The following OGFOD3 variants were observed in gnomAD, a reference collection of about 807,000 sequenced individuals.
OGFOD3 encodes 2-oxoglutarate and iron dependent oxygenase domain containing 3.
A neutral mutation model predicts 39.8 loss-of-function variants in OGFOD3; 35 were observed. The observed-to-expected ratio is 0.88, with a 90% CI of 0.67 to 1.17. The LOEUF (loss-of-function observed/expected upper bound fraction) is 1.17. Ranked by LOEUF, OGFOD3 falls within the 50% of genes most tolerant of loss-of-function variation. The pLI, the probability that OGFOD3 is intolerant of heterozygous loss-of-function variation, is 0.00. For missense variants in OGFOD3, 438 were observed against 454.5 expected, an observed-to-expected ratio of 0.96 and a Z score of 0.33; for synonymous variants, 200 against 192.0, an observed-to-expected ratio of 1.04 and a Z score of -0.34.
chr17:82,407,408 T>G (rs756963853), intron 4 of OGFOD3, among the ~76,000 whole-genome samples: 1 of 152,200 alleles, frequency 6.6e-6, no homozygotes, highest in African/African-American at 2.4e-5. Context: ...TGTGGGCAAG[T>G]GTTGACTTCT....
At chr17:82,401,819 A>C (rs529576165) in intron 7 of OGFOD3, among the ~76,000 whole-genome samples, 4 of 150,084 alleles carry the variant, frequency 2.7e-5, no homozygotes, top group Admixed American at 6.7e-5. Flanking sequence ...AAAAAAAAAA[A>C]AAAACAAAGA....
chr17:82,411,491 A>T lies in OGFOD3; in HGVS notation c.344T>A (p.Val115Asp). The T allele has an allele frequency of 6.2e-7, 1 of 1,614,140 alleles. No individual in the cohort carries two copies. Among genetic ancestry groups the T allele is most frequent in the Non-Finnish European group, 8.5e-7 (1 of 1,180,028 alleles). ...PRKCGRGVTD[V>D]VITREEAERI... ...CTCCGCTTCCTCCCTGGTGATGACG[A>T]CATCGGTGACACCTCTGCCGCACTT... Residue 115 changes from valine to aspartate, a missense_variant, in exon 3 of 9, where the codon GTC (valine) becomes GAC (aspartate). Transcript: ENST00000313056.
At chr17:82,416,877 G>T (rs564903631) in intron 1 of OGFOD3, among the ~76,000 whole-genome samples, 20 of 152,044 alleles carry the variant, frequency 1.3e-4, no homozygotes, top group African/African-American at 4.8e-4. Context: ...GTTTCACCAC[G>T]TTGGTCAGGC....
chr17:82,418,561 G>C lies in OGFOD3; in HGVS notation c.-76C>G, dbSNP rs1016115494. ...ACGAACGCCGTAACAGGGAGCGCGAGGCAGGCACGGCGCAGGGACGCGAGT... is the reference window on the plus strand; with the variant it reads ...ACGAACGCCGTAACAGGGAGCGCGACGCAGGCACGGCGCAGGGACGCGAGT... On this transcript the variant is annotated 5_prime_UTR_variant, in exon 1 of 9. Coordinates refer to ENST00000313056, the MANE Select transcript of OGFOD3 (RefSeq NM_024648.3). The C allele has an allele frequency of 3.6e-5, 28 of 785,252 alleles. No homozygotes were observed. The highest frequency in any genetic ancestry group is 4.7e-5 in the Non-Finnish European group (27 of 573,488). The allele number at this position is 785,252 out of a possible 1,614,324, so 48.6% of individuals were successfully genotyped here.
rs756128096 is a variant in OGFOD3 at position 82,411,469 on chromosome 17, C to T, written c.366G>A (p.Ala122=). 9.3e-6 allele frequency: 15 copies of T among 1,614,036 alleles called. No homozygotes were observed. The highest frequency in any genetic ancestry group is 3.3e-4 in the Middle Eastern group (2 of 6,084). Residue 122 remains alanine, a synonymous_variant, in exon 3 of 9, where the codon GCG becomes GCA. Transcript: ENST00000313056. ...CAGGCGGTTACCTGCGAATCCGCTC[C>T]GCTTCCTCCCTGGTGATGACGACAT... ...VTDVVITREE[A]ERIRSVAEKG... is the part of the protein sequence containing the mutation.
intron 2 of OGFOD3, among the ~76,000 whole-genome samples, chr17:82,412,656 G>A (rs2052969529): frequency 6.6e-6 from 1 of 152,074 alleles, no homozygotes; most frequent in South Asian, 2.1e-4. Context: ...GGTCGAGGCA[G>A]CATCGCACAG....
chr17:82,410,271 G>C (rs540295175), intron 3 of OGFOD3, among the ~76,000 whole-genome samples: 7 of 152,252 alleles, frequency 4.6e-5, no homozygotes, highest in Non-Finnish European at 1.0e-4. Flanking sequence ...CCTGCGTGGA[G>C]CTAGGCAGCA....
rs563037711 is a variant in OGFOD3 at position 82,417,812 on chromosome 17, A to C, written c.74+600T>G. 2.6e-5 allele frequency among the ~76,000 whole-genome samples: 4 copies of C among 152,286 alleles called. 1 individual carries two copies. The highest frequency in any genetic ancestry group is 2.6e-4 in the Admixed American group (4 of 15,286). On this transcript the variant is annotated intron_variant, in intron 1 of 8. Coordinates refer to ENST00000313056, the MANE Select transcript of OGFOD3 (RefSeq NM_024648.3). ...TTCTAAACTGACGACTTCAATGTGC[A>C]AATCGTCAATAGAGGGGAATTGGGC...
intron 3 of OGFOD3, 35 bp downstream of exon 3, chr17:82,411,420 T>C: frequency 1.3e-6 from 2 of 1,598,962 alleles, no homozygotes; most frequent in South Asian, 2.2e-5. Flanking sequence ...CGTGTGTTTG[T>C]TTGAATCCCA....
At position 82,404,678 on chromosome 17, in the gene OGFOD3, CTCTTA is replaced by C. The variant is rs987471826; in HGVS notation, c.546-593_546-589del. 1.3e-5 allele frequency among the ~76,000 whole-genome samples: 2 copies of C among 151,722 alleles called. No individual in the cohort carries two copies. Among genetic ancestry groups the C allele is most frequent in the Non-Finnish European group, 2.9e-5 (2 of 67,972 alleles). ...CATGTGTCCTGGGATGGTTGCGTGA[CTCTTA>C]GCTCCTTTGCCCTCATCTCAACCTG... On this transcript the variant is annotated intron_variant, in intron 6 of 8. Coordinates refer to ENST00000313056, the MANE Select transcript of OGFOD3 (RefSeq NM_024648.3). The surrounding 1 kb of genome is among the most constrained non-coding windows in gnomAD (Gnocchi z 4.5).
At chr17:82,399,510 G>T (rs2143215023) in intron 7 of OGFOD3, among the ~76,000 whole-genome samples, 1 of 152,338 alleles carries the variant, frequency 6.6e-6, no homozygotes, top group South Asian at 2.1e-4. Context: ...CTGTTTTTAA[G>T]CACAGTTCAG....
chr17:82,418,306 C>A (rs1366879934), intron 1 of OGFOD3, 106 bp downstream of exon 1: 1 of 160,600 alleles, frequency 6.2e-6, no homozygotes, highest in East Asian at 2.3e-4. Flanking sequence ...CCCCCCCCAC[C>A]CCCCCACCCG....
In OGFOD3 at chr17:82,404,229, G is replaced by A; in HGVS notation, c.546-139C>T. The A allele has an allele frequency of 1.0e-6, 1 of 967,058 alleles. No homozygotes were observed. Among genetic ancestry groups the A allele is most frequent in the Non-Finnish European group, 1.5e-6 (1 of 673,270 alleles). The allele number at this position is 967,058 out of a possible 1,614,324, so 59.9% of individuals were successfully genotyped here. A position where few individuals can be genotyped will look rare whatever the true frequency, so the allele number is the denominator to read the frequency against. ...GGGCGGGGGCTCCCAAGCACACCGGGAACAGATACCGGCTCCGCCTGGGAA... is the reference window on the plus strand; with the variant it reads ...GGGCGGGGGCTCCCAAGCACACCGGAAACAGATACCGGCTCCGCCTGGGAA... On this transcript the variant is annotated intron_variant, in intron 6 of 8. Transcript: ENST00000313056. The surrounding 1 kb of genome is among the most constrained non-coding windows in gnomAD (Gnocchi z 4.5).
chr17:82,407,843 A>G (rs1475553003), intron 4 of OGFOD3, among the ~76,000 whole-genome samples: 1 of 152,122 alleles, frequency 6.6e-6, no homozygotes, highest in Non-Finnish European at 1.5e-5. Flanking sequence ...ACCAAACTGA[A>G]ATAAAGGGAG....
At position 82,392,144 on chromosome 17, in the gene OGFOD3, C is replaced by T; in HGVS notation, c.*254G>A. Reference sequence around the variant, plus strand: ...CACAGATGGGGACTTGTGCCCCGTCCTGCTGGGTCCCTTTCCTGGCCTCCA... The same window carrying T: ...CACAGATGGGGACTTGTGCCCCGTCTTGCTGGGTCCCTTTCCTGGCCTCCA... On this transcript the variant is annotated 3_prime_UTR_variant, in exon 9 of 9. Coordinates refer to ENST00000313056, the MANE Select transcript of OGFOD3 (RefSeq NM_024648.3). This position sits in a 1 kb window ranked among gnomAD's most constrained non-coding sequence, Gnocchi z 4.2. The T allele has an allele frequency of 1.8e-6, 1 of 552,980 alleles. No homozygotes were observed. The highest frequency in any genetic ancestry group is 2.2e-5 in the South Asian group (1 of 46,066). 34.3% of individuals were successfully genotyped at this position (552,980 alleles called of 1,614,324 possible). A position where few individuals can be genotyped will look rare whatever the true frequency, so the allele number is the denominator to read the frequency against.
At chr17:82,398,856 C>T (rs1020085913) in intron 7 of OGFOD3, among the ~76,000 whole-genome samples, 2 of 150,448 alleles carry the variant, frequency 1.3e-5, no homozygotes, top group Non-Finnish European at 2.9e-5. Flanking sequence ...CACAGGCGCA[C>T]GACACTACAA....
At chr17:82,397,237 C>G (rs2052686718) in intron 8 of OGFOD3, among the ~76,000 whole-genome samples, 4 of 152,062 alleles carry the variant, frequency 2.6e-5, no homozygotes, top group Admixed American at 2.6e-4. Flanking sequence ...AGTCCCTGGT[C>G]TGACTGAGCG....
At position 82,389,792 on chromosome 17, in the gene OGFOD3, A is replaced by G. The variant is rs575578785; in HGVS notation, c.*2606T>C. On this transcript the variant is annotated 3_prime_UTR_variant, in exon 9 of 9. Transcript: ENST00000313056. This position sits in a 1 kb window ranked among gnomAD's most constrained non-coding sequence, Gnocchi z 4.6. ...AGTGCTGGGATTACCAGCATGAGCC[A>G]TATGTTCCCACTTCAGAAGGAAATT... 22 of 152,268 alleles carry G rather than the reference A, an allele frequency of 1.4e-4. No individual in the cohort carries two copies. Among genetic ancestry groups the G allele is most frequent in the Non-Finnish European group, 2.1e-4 (14 of 68,064 alleles). The allele number at this position is 152,268 out of a possible 1,614,324, so 9.4% of individuals were successfully genotyped here. A position where few individuals can be genotyped will look rare whatever the true frequency, so the allele number is the denominator to read the frequency against.
intron 1 of OGFOD3, among the ~76,000 whole-genome samples, chr17:82,417,986 C>A (rs1038762189): frequency 6.6e-6 from 1 of 152,234 alleles, no homozygotes; most frequent in Non-Finnish European, 1.5e-5. Flanking sequence ...GGCACCCGAT[C>A]CTCTAGAATT....
Sources: gnomAD v4.1 joint callset for allele counts (sites outside exome capture counted in the v4.1 genomes callset) on GRCh38, gnomAD v4.1.1 for gene constraint, Gnocchi (gnomAD v3.1) non-coding constraint, MANE v1.5 for transcripts, NCBI Gene and HGNC (gene_info 2026-07-23, HGNC 2026-07-21) for gene names.